The following SYBU variants were observed in gnomAD, a reference collection of about 807,000 sequenced individuals.
SYBU encodes syntabulin.
SYBU carries 21 observed loss-of-function variants against 35.9 expected under a neutral mutation model. The ratio of observed to expected loss-of-function variants is 0.58; its 90% CI spans 0.41 to 0.84. The LOEUF (loss-of-function observed/expected upper bound fraction) is 0.84, where lower values mean the gene tolerates loss of function less well. Among genes scored for constraint, SYBU ranks in the 40% least tolerant of loss-of-function variants. The pLI, the probability that SYBU is intolerant of heterozygous loss-of-function variation, is 0.00. For synonymous variants in SYBU, 319 were observed against 324.3 expected (o/e 0.98, Z 0.18); for missense variants, 768 against 848.2 (o/e 0.91, Z 1.17).
At chr8:109,608,099 G>T in intron 3 of SYBU, 1 of 631,094 alleles carries the variant, frequency 1.6e-6, no homozygotes, top group Non-Finnish European at 2.6e-6. Context: ...AAGTTACTCT[G>T]CTGGCACCAT....
chr8:109,632,113 G>A (rs920011649), intron 2 of SYBU, among the ~76,000 whole-genome samples: 5 of 152,114 alleles, frequency 3.3e-5, no homozygotes, highest in Admixed American at 6.5e-5. Flanking sequence ...ACAGTGGCAC[G>A]ATCTCAGCTC....
At chr8:109,613,546 A>G (rs1811426340) in intron 3 of SYBU, among the ~76,000 whole-genome samples, 1 of 151,588 alleles carries the variant, frequency 6.6e-6, no homozygotes, top group Admixed American at 6.6e-5. Flanking sequence ...CCCCCACCCA[A>G]TAACACAAAA....
chr8:109,577,110 G>T (rs962765179), intron 6 of SYBU, among the ~76,000 whole-genome samples: 5 of 152,158 alleles, frequency 3.3e-5, no homozygotes, highest in Admixed American at 3.3e-4. Context: ...CCTGCCCACA[G>T]TTTTAGCAAC....
chr8:109,617,620 G>A (rs568817680), intron 3 of SYBU, among the ~76,000 whole-genome samples: 1 of 151,990 alleles, frequency 6.6e-6, no homozygotes, highest in African/African-American at 2.4e-5. Context: ...AAATATCAAG[G>A]GTGCTCAACA....
chr8:109,614,631 T>C (rs573192388), intron 3 of SYBU, among the ~76,000 whole-genome samples: 2 of 152,370 alleles, frequency 1.3e-5, no homozygotes, highest in African/African-American at 4.8e-5. Context: ...TAAGCTCTAC[T>C]TCTCATTTAA....
chr8:109,603,479 C>T lies in SYBU; in HGVS notation c.427+15363G>A, dbSNP rs562152010. On this transcript the variant is annotated intron_variant, in intron 3 of 6. Transcript: ENST00000276646. ...CAAAGCACATGTTCCCAGGCCAACC[C>T]TTTGCTTGCCCAGCTACTCTGCCCC... The T allele has an allele frequency of 3.4e-6, 3 of 871,424 alleles. No individual in the cohort carries two copies. In the African/African-American group the frequency reaches 5.4e-5, roughly 16 times the overall value. The allele number at this position is 871,424 out of a possible 1,614,324, so 54.0% of individuals were successfully genotyped here.
chr8:109,616,002 CTTTCT>C (rs1811726485), intron 3 of SYBU, among the ~76,000 whole-genome samples: 69 of 99,272 alleles, frequency 7.0e-4, no homozygotes, highest in African/African-American at 2.7e-3. Flanking sequence ...CTTTTCTTTT[CTTTCT>C]TTTTTTTTTT....
chr8:109,623,076 G>A (rs938520103), intron 2 of SYBU, among the ~76,000 whole-genome samples: 2 of 152,082 alleles, frequency 1.3e-5, no homozygotes, highest in African/African-American at 4.8e-5. Context: ...ACATAGTTGA[G>A]TTTTTACATT....
chr8:109,576,026 G>T lies in SYBU; in HGVS notation c.885-13C>A, dbSNP rs1471963009. 2 of 457,216 alleles carry T rather than the reference G, an allele frequency of 4.4e-6. No individual in the cohort carries two copies. The highest frequency in any genetic ancestry group is 2.5e-5 in the African/African-American group (1 of 40,396). The allele number at this position is 457,216 out of a possible 1,614,324, so 28.3% of individuals were successfully genotyped here. A position where few individuals can be genotyped will look rare whatever the true frequency, so the allele number is the denominator to read the frequency against. On this transcript the variant is annotated splice_polypyrimidine_tract_variant and intron_variant, in intron 6 of 6. Coordinates refer to ENST00000276646, the MANE Select transcript of SYBU (RefSeq NM_001099754.2). ...GATTTCACTTTCCCTAGAGTGCCAA[G>T]ACAAGCATGGTTAATTAAAAAAAAA...
At chr8:109,601,250 G>A (rs1825481552) in intron 3 of SYBU, among the ~76,000 whole-genome samples, 2 of 152,158 alleles carry the variant, frequency 1.3e-5, no homozygotes, top group African/African-American at 4.8e-5. Flanking sequence ...AAAGTTCTGA[G>A]TGATGCTGAG....
chr8:109,650,555 T>C (rs1340880715), intron 1 of SYBU, among the ~76,000 whole-genome samples: 1 of 152,174 alleles, frequency 6.6e-6, no homozygotes, highest in Non-Finnish European at 1.5e-5. Flanking sequence ...TGAGGATAGT[T>C]TTGATTGCTG....
intron 1 of SYBU, among the ~76,000 whole-genome samples, chr8:109,675,356 T>C (rs946203090): frequency 3.9e-5 from 6 of 152,142 alleles, no homozygotes; most frequent in African/African-American, 1.4e-4. Flanking sequence ...CCGGAGCTGG[T>C]TTTTTGAAAA....
At chr8:109,607,866 G>T in intron 3 of SYBU, 2 of 851,994 alleles carry the variant, frequency 2.3e-6, no homozygotes, top group Non-Finnish European at 3.7e-6. Flanking sequence ...TCTAGCCTCT[G>T]TGATCCAATA....
intron 2 of SYBU, among the ~76,000 whole-genome samples, chr8:109,642,325 T>C (rs1814988261): frequency 6.6e-6 from 1 of 152,066 alleles, no homozygotes; most frequent in African/African-American, 2.4e-5. Flanking sequence ...GGGATAGCAT[T>C]AGGAGAAATA....
Position 109,575,934 on chromosome 8 carries a change from C to G in SYBU, c.964G>C (p.Glu322Gln), listed in dbSNP as rs756366358. ...GCTTCTTTGAGTGCCAACTGGGCCTCTACCCGGTGACACTCCTCCTCAATC... is the reference window on the plus strand; with the variant it reads ...GCTTCTTTGAGTGCCAACTGGGCCTGTACCCGGTGACACTCCTCCTCAATC... Reference protein sequence around the residue: ...DWIEEECHRVEAQLALKEARK... With the variant: ...DWIEEECHRVQAQLALKEARK... The change falls in exon 7 of 7, where the codon GAG becomes CAG. Residue 322 changes from glutamate to glutamine, a missense_variant. Transcript: ENST00000276646. 18 of 1,613,088 alleles carry G rather than the reference C, an allele frequency of 1.1e-5. 1 individual carries two copies. In the Admixed American group the frequency reaches 3.0e-4, roughly 27 times the overall value.
intron 1 of SYBU, among the ~76,000 whole-genome samples, chr8:109,690,167 T>C (rs1817614064): frequency 6.6e-6 from 1 of 152,128 alleles, no homozygotes; most frequent in East Asian, 1.9e-4. Flanking sequence ...AATTAAGCAA[T>C]CAAAATCTGC....
intron 6 of SYBU, among the ~76,000 whole-genome samples, chr8:109,576,289 CTAAAG>C (rs1822305527): frequency 6.6e-6 from 1 of 152,078 alleles, no homozygotes; most frequent in Non-Finnish European, 1.5e-5. Context: ...TGTAAAATGG[CTAAAG>C]TAATAATAGT....
At chr8:109,635,167 G>GC (rs1174269835) in intron 2 of SYBU, among the ~76,000 whole-genome samples, 1 of 152,188 alleles carries the variant, frequency 6.6e-6, no homozygotes, top group Non-Finnish European at 1.5e-5. Context: ...CCAATTTGCT[G>GC]CAATTGTTTC....
chr8:109,580,166 T>G (rs1822860861), intron 4 of SYBU, 164 bp from the exon 5 acceptor site: 1 of 616,522 alleles, frequency 1.6e-6, no homozygotes, highest in South Asian at 2.0e-5. Flanking sequence ...CCCACCTGCC[T>G]GGTATTTTCT....
Sources: allele counts gnomAD v4.1 joint callset (sites outside exome capture counted in the v4.1 genomes callset), GRCh38; gene constraint gnomAD v4.1.1; transcripts MANE v1.5; gene names NCBI Gene and HGNC (gene_info 2026-07-23, HGNC 2026-07-21).